Variants in WDR64 observed in about 807,000 individuals in gnomAD.
WDR64 encodes the protein WD repeat domain 64.
A neutral mutation model predicts 139.3 loss-of-function variants in WDR64; 112 were observed. The ratio of observed to expected loss-of-function variants is 0.80; its 90% confidence interval spans 0.69 to 0.94. The LOEUF (loss-of-function observed/expected upper bound fraction) is 0.94. Among genes scored for constraint, WDR64 ranks in the 40% least tolerant of loss-of-function variants. WDR64 has a pLI of 0.00. For missense variants in WDR64, 1,206 were observed against 1,293.1 expected, an observed-to-expected ratio of 0.93 and a Z score of 1.03; for synonymous variants, 444 against 437.7, an observed-to-expected ratio of 1.01 and a Z score of -0.18.
chr1:241,681,086 TTCTCTCTCTC>T (rs113784729), intron 6 of WDR64, among the ~76,000 whole-genome samples: 1 of 150,350 alleles, frequency 6.7e-6, no homozygotes, highest in Non-Finnish European at 1.5e-5. Flanking sequence ...CTACAGCCTC[TTCTCTCTCTC>T]TCTCTCTCTC....
intron 10 of WDR64, among the ~76,000 whole-genome samples, chr1:241,725,467 T>G (rs563443358): frequency 6.0e-5 from 9 of 148,802 alleles, no homozygotes; most frequent in Non-Finnish European, 1.3e-4. Flanking sequence ...CTCTACCCGA[T>G]GCAAAACCCT....
intron 2 of WDR64, among the ~76,000 whole-genome samples, chr1:241,661,212 G>A (rs1335581051): frequency 6.6e-6 from 1 of 151,724 alleles, no homozygotes; most frequent in African/African-American, 2.4e-5. Context: ...GAATCTAAGG[G>A]ATTTGAATAC....
intron 9 of WDR64, among the ~76,000 whole-genome samples, chr1:241,719,774 T>A (rs752978515): frequency 4.0e-4 from 60 of 151,702 alleles, no homozygotes; most frequent in Non-Finnish European, 7.8e-4. Context: ...CTATTTTGGG[T>A]TTTAAAAATT....
At chr1:241,774,675 C>A (rs1246462410) in intron 20 of WDR64, among the ~76,000 whole-genome samples, 1 of 152,022 alleles carries the variant, frequency 6.6e-6, no homozygotes. Flanking sequence ...AACTGACATA[C>A]ACTTAAAAGT....
chr1:241,778,906 G>A (rs1658752827), intron 21 of WDR64, among the ~76,000 whole-genome samples: 1 of 151,922 alleles, frequency 6.6e-6, no homozygotes, highest in African/African-American at 2.4e-5. Context: ...CCATTATCCG[G>A]TAGATCAATT....
intron 8 of WDR64, among the ~76,000 whole-genome samples, chr1:241,709,825 C>G (rs1039240102): frequency 6.6e-6 from 1 of 152,018 alleles, no homozygotes; most frequent in Admixed American, 6.5e-5. Context: ...CAAAAATAGC[C>G]CTTTCACAAG....
At chr1:241,664,939 A>C (rs528060865) in intron 2 of WDR64, among the ~76,000 whole-genome samples, 149 of 152,252 alleles carry the variant, frequency 9.8e-4, no homozygotes, top group African/African-American at 3.4e-3. Context: ...TCTAATGCCT[A>C]TAATCCCAGC....
Position 241,679,529 on chromosome 1 carries a change from A to C in WDR64, c.558A>C (p.Lys186Asn). The C allele has an allele frequency of 6.4e-7, 1 of 1,551,626 alleles. No individual in the cohort carries two copies. The highest frequency in any genetic ancestry group is 8.7e-7 in the Non-Finnish European group (1 of 1,146,902). ...ITGCDYLLQL[K>N]RIVATTERTI... ...GGTGTGATTACCTCTTGCAGCTGAA[A>C]CGAATCGTAGCCACAACCGAAAGGA... is the stretch of plus-strand genomic sequence containing the variant. Residue 186 changes from lysine to asparagine, a missense_variant, in exon 6 of 28, where the codon AAA becomes AAC. Transcript: ENST00000437684.
At chr1:241,772,744 T>A (rs1478145749) in intron 19 of WDR64, 48 bp from the exon 20 acceptor site, 3 of 1,540,568 alleles carry the variant, frequency 1.9e-6, no homozygotes, top group Non-Finnish European at 2.6e-6. Flanking sequence ...ATTACAGGTG[T>A]GAGCCACCAC....
chr1:241,701,930 G>T (rs1236855016), intron 8 of WDR64, among the ~76,000 whole-genome samples: 1 of 152,032 alleles, frequency 6.6e-6, no homozygotes, highest in Non-Finnish European at 1.5e-5. Flanking sequence ...TACATAATTG[G>T]CCAGCTGTTA....
intron 2 of WDR64, 52 bp from the exon 3 acceptor site, chr1:241,671,022 T>C (rs1666204177): frequency 1.6e-6 from 2 of 1,272,928 alleles, no homozygotes; most frequent in Admixed American, 2.5e-5. Context: ...TGCTACTTTA[T>C]AGCTAATTCT....
intron 3 of WDR64, among the ~76,000 whole-genome samples, chr1:241,672,316 AAC>A (rs138021671): frequency 3.3e-5 from 5 of 151,646 alleles, no homozygotes; most frequent in South Asian, 2.1e-4. Flanking sequence ...AGAAAAAGAA[AAC>A]ACACACACAC....
intron 8 of WDR64, among the ~76,000 whole-genome samples, chr1:241,690,163 C>T (rs1667159890): frequency 6.6e-6 from 1 of 151,972 alleles, no homozygotes; most frequent in Non-Finnish European, 1.5e-5. Flanking sequence ...GTTCAAACAG[C>T]AGAAAAGTAA....
chr1:241,762,508 T>C (rs764255744), intron 15 of WDR64, among the ~76,000 whole-genome samples: 1 of 152,150 alleles, frequency 6.6e-6, no homozygotes, highest in Non-Finnish European at 1.5e-5. Flanking sequence ...TTTGTTCCCA[T>C]AAAAATTTAA....
At chr1:241,770,154 A>C (rs1487405611) in intron 17 of WDR64, among the ~76,000 whole-genome samples, 2 of 152,076 alleles carry the variant, frequency 1.3e-5, no homozygotes, top group East Asian at 3.9e-4. Flanking sequence ...TGTTCTGAGA[A>C]TATTTTGAGG....
At position 241,801,215 on chromosome 1, in the gene WDR64, A is replaced by C. The variant is rs199552406; in HGVS notation, c.3276A>C (p.Ter1092TyrextTer11). 2.0e-4 allele frequency: 330 copies of C among 1,613,042 alleles called. No homozygotes were observed. Among genetic ancestry groups the C allele is most frequent in the Non-Finnish European group, 2.0e-5 (23 of 1,179,236 alleles). ...ASSFFPAIPK[*>Y] The stretch of plus-strand genomic sequence containing the variant: ...CCTTCTTCCCAGCTATACCCAAGTA[A>C]GGAGAAAAAATCAGAAATGGCTGCT... The change falls in exon 28 of 28, where the codon TAA becomes TAC. Residue 1092 changes from the stop codon to tyrosine (Y), a stop_lost. Transcript: ENST00000437684.
chr1:241,715,796 C>G (rs896028491), intron 9 of WDR64, among the ~76,000 whole-genome samples: 4 of 152,000 alleles, frequency 2.6e-5, no homozygotes, highest in African/African-American at 9.7e-5. Flanking sequence ...GCTTTGTAAT[C>G]TTAGTATTTT....
intron 8 of WDR64, among the ~76,000 whole-genome samples, chr1:241,711,240 A>T (rs543432016): frequency 6.6e-6 from 1 of 151,810 alleles, no homozygotes; most frequent in East Asian, 1.9e-4. Flanking sequence ...TTGTCTCAAA[A>T]AAAAAAAAAA....
At chr1:241,738,308 T>C in intron 10 of WDR64, 55 bp from the exon 11 acceptor site, 2 of 1,574,238 alleles carry the variant, frequency 1.3e-6, no homozygotes, top group East Asian at 2.3e-5. Context: ...CCTAAATATC[T>C]TGGGTGAGAA....
Sources: allele counts gnomAD v4.1 joint callset (sites outside exome capture counted in the v4.1 genomes callset), GRCh38; gene constraint gnomAD v4.1.1; transcripts MANE v1.5; gene names NCBI Gene and HGNC (gene_info 2026-07-23, HGNC 2026-07-21).